COG5: variants seen among roughly 807,000 people sequenced by gnomAD.
The protein encoded by COG5 is component of oligomeric golgi complex 5.
A neutral mutation model predicts 110.4 loss-of-function variants in COG5; 86 were observed. That is an observed-to-expected ratio of 0.78 (90% confidence interval 0.65 to 0.93). The LOEUF is 0.93. COG5 is among the 40% of genes least tolerant of loss of function. The pLI, the probability that COG5 is intolerant of heterozygous loss-of-function variation, is 0.00. For missense variants in COG5, 1,077 were observed against 987.0 expected, an observed-to-expected ratio of 1.09 and a Z score of -1.22; for synonymous variants, 360 against 334.6, an observed-to-expected ratio of 1.08 and a Z score of -0.83.
intron 19 of COG5, among the ~76,000 whole-genome samples, chr7:107,224,289 A>C (rs1800164966): frequency 6.6e-6 from 1 of 152,206 alleles, no homozygotes; most frequent in East Asian, 1.9e-4. Flanking sequence ...TTGGAATTTC[A>C]ATCAACAGAG....
intron 6 of COG5, among the ~76,000 whole-genome samples, chr7:107,465,297 CTAAT>C (rs1347055425): frequency 2.0e-5 from 3 of 152,086 alleles, no homozygotes; most frequent in Admixed American, 1.3e-4. Context: ...CAATATGATC[CTAAT>C]TACATATACT....
chr7:107,335,257 G>C (rs1272568953), intron 10 of COG5, among the ~76,000 whole-genome samples: 1 of 152,140 alleles, frequency 6.6e-6, no homozygotes, highest in Admixed American at 6.6e-5. Flanking sequence ...GGGTGCAGTG[G>C]TGTGCACCTG....
intron 14 of COG5, among the ~76,000 whole-genome samples, chr7:107,264,984 T>C (rs1253126352): frequency 6.6e-6 from 1 of 152,010 alleles, no homozygotes; most frequent in Admixed American, 6.6e-5. Flanking sequence ...AGAAATAGTA[T>C]GAAGCATTAC....
chr7:107,383,468 G>C (rs1815305322), intron 7 of COG5, among the ~76,000 whole-genome samples: 1 of 152,204 alleles, frequency 6.6e-6, no homozygotes, highest in South Asian at 2.1e-4. Context: ...ATGAGGTCTA[G>C]GGAACTCCAA....
intron 6 of COG5, among the ~76,000 whole-genome samples, chr7:107,445,134 G>A (rs993314381): frequency 3.3e-5 from 5 of 151,890 alleles, no homozygotes; most frequent in Admixed American, 6.6e-5. Context: ...CCAGGAGCTC[G>A]AAGCTGCAGT....
chr7:107,267,723 G>A (rs1243832492), intron 14 of COG5, among the ~76,000 whole-genome samples: 1 of 152,008 alleles, frequency 6.6e-6, no homozygotes, highest in African/African-American at 2.4e-5. Context: ...CAGCTTCCTA[G>A]TATTAAGCCC....
At chr7:107,303,432 GTTTT>G (rs1183429676) in intron 11 of COG5, among the ~76,000 whole-genome samples, 2 of 151,826 alleles carry the variant, frequency 1.3e-5, no homozygotes, top group Non-Finnish European at 2.9e-5. Context: ...TTGTTTGTTT[GTTTT>G]TTGTTTTTAG....
chr7:107,460,722 CAAAAAG>C (rs1563048337), intron 6 of COG5, among the ~76,000 whole-genome samples: 1 of 150,394 alleles, frequency 6.6e-6, no homozygotes, highest in African/African-American at 2.4e-5. Flanking sequence ...TAGGCAAACT[CAAAAAG>C]AAAAAAAGAT....
At position 107,248,564 on chromosome 7, in the gene COG5, T is replaced by C. The variant is rs1359385930; in HGVS notation, c.1750-65A>G. On this transcript the variant is annotated intron_variant, in intron 16 of 21. Transcript: ENST00000297135. ...TTAAAGAAAAACAACCCAAAGAAAT[T>C]TGAGATGTGAGAAACACCGTGACTA... The C allele has an allele frequency of 4.3e-5, 47 of 1,103,482 alleles. No individual in the cohort carries two copies. In the Middle Eastern group the frequency reaches 1.4e-3, roughly 33 times the overall value. The allele number at this position is 1,103,482 out of a possible 1,614,324, so 68.4% of individuals were successfully genotyped here.
chr7:107,277,471 G>A (rs1278549329), intron 14 of COG5, among the ~76,000 whole-genome samples: 1 of 152,120 alleles, frequency 6.6e-6, no homozygotes, highest in African/African-American at 2.4e-5. Flanking sequence ...TGAAAAATAA[G>A]GCGAGTTGGA....
At chr7:107,542,059 C>T (rs1281436890) in intron 5 of COG5, among the ~76,000 whole-genome samples, 1 of 151,762 alleles carries the variant, frequency 6.6e-6, no homozygotes, top group East Asian at 1.9e-4. Context: ...ACATATGAGG[C>T]AAAACAATAC....
chr7:107,210,469 C>T (rs1305753426), intron 21 of COG5, 57 bp downstream of exon 21: 5 of 1,556,242 alleles, frequency 3.2e-6, no homozygotes, highest in African/African-American at 1.4e-5. Context: ...TCTCTTGCAT[C>T]CCCACCCTCC....
At chr7:107,448,709 T>C (rs556612160) in intron 6 of COG5, among the ~76,000 whole-genome samples, 6 of 152,162 alleles carry the variant, frequency 3.9e-5, no homozygotes, top group Admixed American at 6.5e-5. Context: ...CAGAGTACAG[T>C]TGATTCTTGA....
chr7:107,392,618 T>TA (rs527333305), intron 7 of COG5, among the ~76,000 whole-genome samples: 2 of 147,990 alleles, frequency 1.4e-5, no homozygotes, highest in Admixed American at 6.7e-5. Context: ...CTAAGAATAT[T>TA]AAAAAACAAC....
At chr7:107,391,705 G>C (rs1236032075) in intron 7 of COG5, among the ~76,000 whole-genome samples, 2 of 152,112 alleles carry the variant, frequency 1.3e-5, no homozygotes, top group African/African-American at 4.8e-5. Flanking sequence ...CATGTGGGAG[G>C]AATCTGCATT....
At chr7:107,230,420 C>T (rs1800693867) in intron 19 of COG5, among the ~76,000 whole-genome samples, 195 bp downstream of exon 19, 1 of 151,896 alleles carries the variant, frequency 6.6e-6, no homozygotes, top group African/African-American at 2.4e-5. Flanking sequence ...ATACACATAC[C>T]CTCTAATTTA....
intron 5 of COG5, among the ~76,000 whole-genome samples, chr7:107,528,383 G>A (rs1800930238): frequency 1.3e-5 from 2 of 152,074 alleles, no homozygotes; most frequent in Non-Finnish European, 1.5e-5. Context: ...GCCACCATGC[G>A]TGGTGATTTT....
At chr7:107,343,402 C>T (rs1811330562) in intron 10 of COG5, among the ~76,000 whole-genome samples, 1 of 152,048 alleles carries the variant, frequency 6.6e-6, no homozygotes, top group Admixed American at 6.5e-5. Flanking sequence ...ATAATAAGGC[C>T]AGGCATAGTG....
At chr7:107,414,260 A>C (rs1388037186) in intron 6 of COG5, among the ~76,000 whole-genome samples, 1 of 152,210 alleles carries the variant, frequency 6.6e-6, no homozygotes, top group East Asian at 1.9e-4. Flanking sequence ...AAACCTTAAT[A>C]AATGTGGAGT....
Sources: gnomAD v4.1 joint callset for allele counts (sites outside exome capture counted in the v4.1 genomes callset) on GRCh38, gnomAD v4.1.1 for gene constraint, MANE v1.5 for transcripts, NCBI Gene and HGNC (gene_info 2026-07-23, HGNC 2026-07-21) for gene names.